Variants in DAPK1 observed in about 807,000 individuals in gnomAD.
The protein encoded by DAPK1 is death associated protein kinase 1, also known as death-associated protein kinase 1.
Under a neutral mutation model 144.9 loss-of-function variants are expected in DAPK1, and 56 were observed. The ratio of observed to expected loss-of-function variants is 0.39; its 90% confidence interval spans 0.31 to 0.48. DAPK1 has a LOEUF of 0.48. Among genes scored for constraint, DAPK1 ranks in the 20% least tolerant of loss-of-function variants. DAPK1 has a pLI of 0.95. For missense variants in DAPK1, 1,454 were observed against 1,875.4 expected (o/e 0.78, Z 4.15); for synonymous variants, 690 against 749.0 (o/e 0.92, Z 1.29).
In DAPK1 at chr9:87,601,571, G is replaced by C. The variant is rs1587756711; in HGVS notation, c.63-3383G>C. Among the ~76,000 whole-genome samples, 6 of 151,994 alleles carry C rather than the reference G, an allele frequency of 3.9e-5. 1 individual carries two copies. Among genetic ancestry groups the C allele is most frequent in the Admixed American group, 3.9e-4 (6 of 15,266 alleles). On this transcript the variant is annotated intron_variant, in intron 2 of 25. Transcript: ENST00000408954. Reference sequence around the variant, plus strand: ...TGGCAGTCATGAGAGGTAGGTACTTGGGGGGTAATACTGCATCACTGTGAG... The same window carrying C: ...TGGCAGTCATGAGAGGTAGGTACTTCGGGGGTAATACTGCATCACTGTGAG...
At chr9:87,592,555 CTTAA>C (rs1469529389) in intron 2 of DAPK1, among the ~76,000 whole-genome samples, 1 of 152,224 alleles carries the variant, frequency 6.6e-6, no homozygotes. Context: ...TGACCTGAGA[CTTAA>C]TTAGTGACAC....
intron 3 of DAPK1, among the ~76,000 whole-genome samples, chr9:87,622,706 T>A (rs919971307): frequency 6.6e-6 from 1 of 151,014 alleles, no homozygotes; most frequent in African/African-American, 2.4e-5. Context: ...AGCTCAGGAG[T>A]TCAAGACCAG....
chr9:87,571,494 C>CACACACA (rs1554684264), intron 2 of DAPK1, among the ~76,000 whole-genome samples: 6 of 35,138 alleles, frequency 1.7e-4, no homozygotes, highest in Non-Finnish European at 3.4e-4. Context: ...CACACACACA[C>CACACACA]CCCAACACAC....
In DAPK1 at chr9:87,700,128, A is replaced by T. The variant is rs1334362956; in HGVS notation, c.2762A>T (p.Asp921Val). The change falls in exon 24 of 26, where the codon GAT becomes GTT. Residue 921 changes from aspartate to valine, a missense_variant. By Grantham distance (152) the Asp-to-Val change is radical (BLOSUM62 -3). Transcript: ENST00000408954. Reference protein sequence around the residue: ...LKEIRNRFGNDLHISNKLFVL... With the variant: ...LKEIRNRFGNVLHISNKLFVL... ...TGCTCTTCCCTTAGGTTTGGAAATG[A>T]TCTTCACATTTCAAATAAGCTGTTT... 1 of 1,610,514 alleles carries T rather than the reference A, an allele frequency of 6.2e-7. No homozygotes were observed. The highest frequency in any genetic ancestry group is 8.5e-7 in the Non-Finnish European group (1 of 1,176,704).
intron 3 of DAPK1, among the ~76,000 whole-genome samples, chr9:87,631,524 G>A (rs1054849357): frequency 2.6e-5 from 4 of 152,102 alleles, no homozygotes; most frequent in South Asian, 2.1e-4. Context: ...CATTTCACAC[G>A]ATTTCCCTGA....
chr9:87,516,922 T>C (rs1254433832), intron 2 of DAPK1, among the ~76,000 whole-genome samples: 1 of 152,086 alleles, frequency 6.6e-6, no homozygotes, highest in Non-Finnish European at 1.5e-5. Context: ...GTCAGGTACG[T>C]ACTATCTGGC....
chr9:87,616,873 C>G (rs1315205002), intron 3 of DAPK1, among the ~76,000 whole-genome samples: 1 of 152,232 alleles, frequency 6.6e-6, no homozygotes, highest in Admixed American at 6.5e-5. Context: ...CCAAACCAAA[C>G]TAGTGTCCTG....
intron 3 of DAPK1, 140 bp downstream of exon 3, chr9:87,605,315 G>C: frequency 1.5e-6 from 1 of 683,014 alleles, no homozygotes. Context: ...TGAGAACAAT[G>C]CCGTGCTGCC....
At chr9:87,561,110 A>G (rs185787499) in intron 2 of DAPK1, among the ~76,000 whole-genome samples, 1 of 152,322 alleles carries the variant, frequency 6.6e-6, no homozygotes, top group Admixed American at 6.5e-5. Flanking sequence ...CCCAAAATAA[A>G]ATATGAAATT....
chr9:87,634,717 G>C (rs1009540199), intron 3 of DAPK1, among the ~76,000 whole-genome samples: 1 of 152,168 alleles, frequency 6.6e-6, no homozygotes, highest in Non-Finnish European at 1.5e-5. Flanking sequence ...CGGCAGTGCC[G>C]TGTCAATCCC....
intron 2 of DAPK1, among the ~76,000 whole-genome samples, chr9:87,588,893 G>T (rs772823454): frequency 2.0e-5 from 3 of 151,564 alleles, no homozygotes; most frequent in Non-Finnish European, 4.4e-5. Context: ...CTTTTTCTGG[G>T]GGGCGGGGGG....
At chr9:87,510,151 G>C (rs536771255) in intron 2 of DAPK1, among the ~76,000 whole-genome samples, 57 of 152,240 alleles carry the variant, frequency 3.7e-4, no homozygotes, top group Non-Finnish European at 7.1e-4. Context: ...CAGTCTGTGC[G>C]TTCCTCCCCA....
chr9:87,636,278 C>T (rs927353454), intron 3 of DAPK1, among the ~76,000 whole-genome samples: 1 of 152,096 alleles, frequency 6.6e-6, no homozygotes, highest in Non-Finnish European at 1.5e-5. Flanking sequence ...TGCTGTGTCC[C>T]CTGGAGGATA....
rs559624490 is a variant in DAPK1, at chr9:87,693,648, T to A, written c.2414-3359T>A. Among the ~76,000 whole-genome samples, 5 of 152,316 alleles carry A rather than the reference T, an allele frequency of 3.3e-5. No individual in the cohort carries two copies. The South Asian group carries it at 1.0e-3, about 32-fold the overall frequency. On this transcript the variant is annotated intron_variant, in intron 21 of 25. Transcript: ENST00000408954. ...TCCTTGCTTTTTCATGTTTCTTGTG[T>A]CCTTACATTGATATCTGTGCATCCG...
At chr9:87,499,222 T>C in intron 2 of DAPK1, 83 bp downstream of exon 2, 1 of 1,204,656 alleles carries the variant, frequency 8.3e-7, no homozygotes, top group South Asian at 1.2e-5. Flanking sequence ...CAAATGCAGT[T>C]TGAATCAGGC....
intron 2 of DAPK1, among the ~76,000 whole-genome samples, chr9:87,500,674 C>T (rs1824356629): frequency 6.6e-6 from 1 of 151,882 alleles, no homozygotes; most frequent in Admixed American, 6.6e-5. Flanking sequence ...AAAAAGAGGC[C>T]TCCCTGTGGT....
intron 2 of DAPK1, among the ~76,000 whole-genome samples, chr9:87,560,785 C>T (rs1260083609): frequency 1.3e-5 from 2 of 151,714 alleles, no homozygotes; most frequent in Non-Finnish European, 2.9e-5. Flanking sequence ...CCTACCTCAG[C>T]CTCCCGAGTA....
chr9:87,529,332 A>G lies in DAPK1; in HGVS notation c.62+30193A>G, dbSNP rs146416093. Among the ~76,000 whole-genome samples the G allele has an allele frequency of 3.3e-3, 508 of 152,302 alleles. 9 individuals carry two copies. Among genetic ancestry groups the G allele is most frequent in the African/African-American group, 0.011 (462 of 41,558 alleles). On this transcript the variant is annotated intron_variant, in intron 2 of 25. Coordinates refer to ENST00000408954, the MANE Select transcript of DAPK1 (RefSeq NM_004938.4). Reference sequence around the variant, plus strand: ...AATTCTTTCTTTTGAGGAGAAAAGAATTGAGGTTGCTGCAGACCCATACAG... The same window carrying G: ...AATTCTTTCTTTTGAGGAGAAAAGAGTTGAGGTTGCTGCAGACCCATACAG...
chr9:87,676,668 G>A (rs184043197), intron 19 of DAPK1, among the ~76,000 whole-genome samples: 131 of 152,354 alleles, frequency 8.6e-4, no homozygotes, highest in Admixed American at 1.3e-3. Context: ...GGGTGAGTGG[G>A]CACATCTTGG....
Sources: allele counts gnomAD v4.1 joint callset (sites outside exome capture counted in the v4.1 genomes callset), GRCh38; gene constraint gnomAD v4.1.1; transcripts MANE v1.5; gene names NCBI Gene and HGNC (gene_info 2026-07-23, HGNC 2026-07-21).